The following ABCG1 variants were observed in gnomAD, a reference collection of about 807,000 sequenced individuals.
The protein encoded by ABCG1 is ATP binding cassette subfamily G member 1.
A neutral mutation model predicts 69.2 loss-of-function variants in ABCG1; 29 were observed. The ratio of observed to expected loss-of-function variants is 0.42; its 90% CI spans 0.31 to 0.57. The LOEUF (loss-of-function observed/expected upper bound fraction) is 0.57, where lower values mean the gene tolerates loss of function less well. Among genes scored for constraint, ABCG1 ranks in the 20% least tolerant of loss-of-function variants. The probability of loss-of-function intolerance (pLI) is 0.15; values close to 1 mark genes in which losing one functional copy is unlikely to be tolerated. For missense variants in ABCG1, 718 were observed against 898.1 expected, an observed-to-expected ratio of 0.80 and a Z score of 2.56; for synonymous variants, 370 against 374.8, an observed-to-expected ratio of 0.99 and a Z score of 0.15.
intron 6 of ABCG1, among the ~76,000 whole-genome samples, chr21:42,283,000 C>T (rs944145632): frequency 1.4e-4 from 22 of 152,352 alleles, no homozygotes; most frequent in Middle Eastern, 3.4e-3. Flanking sequence ...AATCACTACC[C>T]TGGAGTCCTG....
intron 2 of ABCG1, among the ~76,000 whole-genome samples, chr21:42,228,693 G>A (rs1601357944): frequency 1.3e-5 from 2 of 152,338 alleles, no homozygotes; most frequent in East Asian, 3.9e-4. Flanking sequence ...GTAGCCAGCA[G>A]GGAAGCAGAG....
chr21:42,224,651 G>A (rs1224282216), intron 1 of ABCG1, among the ~76,000 whole-genome samples: 1 of 152,130 alleles, frequency 6.6e-6, no homozygotes, highest in African/African-American at 2.4e-5. Flanking sequence ...CCTGGAAGGG[G>A]TGTGTGTGTG....
At chr21:42,240,071 C>T (rs867475975) in intron 2 of ABCG1, among the ~76,000 whole-genome samples, 10 of 152,190 alleles carry the variant, frequency 6.6e-5, no homozygotes, top group Admixed American at 2.0e-4. Context: ...CACTGGAGAA[C>T]GCTGTGTGTG....
chr21:42,210,520 TGA>T (rs1323035672), intron 2 of ABCG1, among the ~76,000 whole-genome samples: 3 of 152,228 alleles, frequency 2.0e-5, no homozygotes, highest in African/African-American at 7.2e-5. Context: ...TTTCTTCATT[TGA>T]AGAAATGGTT....
chr21:42,201,641 A>G (rs2067507220), exon 2 of ABCG1: 1 of 1,594,810 alleles, frequency 6.3e-7, no homozygotes, highest in Non-Finnish European at 8.5e-7. Context: ...AGCAGACATC[A>G]GGGATCACCG....
chr21:42,226,013 G>C, intron 2 of ABCG1, 99 bp downstream of exon 2: 3 of 1,391,444 alleles, frequency 2.2e-6, no homozygotes, highest in Non-Finnish European at 2.9e-6. Flanking sequence ...TTGAGAGGCT[G>C]AGCTTCTCTT....
intron 2 of ABCG1, among the ~76,000 whole-genome samples, chr21:42,205,123 G>A (rs924749945): frequency 3.9e-5 from 6 of 151,948 alleles, no homozygotes; most frequent in Non-Finnish European, 7.4e-5. Context: ...TGCATCTTGC[G>A]AGGAAGTGGT....
intron 2 of ABCG1, chr21:42,259,262 G>A: frequency 1.3e-6 from 2 of 1,481,982 alleles, no homozygotes; most frequent in Non-Finnish European, 9.0e-7. Context: ...GCACAGCCTG[G>A]AGACCAGATC....
Position 42,291,913 on chromosome 21 carries a change from G to A in ABCG1, c.1653+257G>A, listed in dbSNP as rs983413966. ...CAGCGCTTCCCAGATCTGAGCTCCT[G>A]TAGCCCCAAGCACAGCCACGCTTAG... On this transcript the variant is annotated intron_variant, in intron 13 of 14. Transcript: ENST00000398449. This position sits in a 1 kb window ranked among gnomAD's most constrained non-coding sequence, Gnocchi z 6.4. Among the ~76,000 whole-genome samples the A allele has an allele frequency of 6.6e-6, 1 of 152,160 alleles. No individual in the cohort carries two copies. Among genetic ancestry groups the A allele is most frequent in the Non-Finnish European group, 1.5e-5 (1 of 68,008 alleles).
intron 2 of ABCG1, chr21:42,259,630 TA>T: frequency 7.0e-7 from 1 of 1,438,598 alleles, no homozygotes. Context: ...ACTCATTTGA[TA>T]AAAACTGACA....
chr21:42,294,211 C>G (rs115394927), intron 13 of ABCG1, among the ~76,000 whole-genome samples: 4,435 of 152,304 alleles, frequency 0.029, 235 homozygotes, highest in African/African-American at 0.099. Flanking sequence ...CTTAGCCCCC[C>G]CGGGGACAGC....
chr21:42,279,341 G>A (rs1451346439), intron 5 of ABCG1, among the ~76,000 whole-genome samples: 2 of 152,178 alleles, frequency 1.3e-5, no homozygotes, highest in South Asian at 2.1e-4. Flanking sequence ...AGAGGGTCTC[G>A]GGGATCACCG....
chr21:42,283,613 C>G (rs1185330206), intron 6 of ABCG1, among the ~76,000 whole-genome samples: 3 of 152,030 alleles, frequency 2.0e-5, no homozygotes, highest in African/African-American at 7.3e-5. Context: ...GGCACTAGAC[C>G]ACCTGAGGCA....
intron 6 of ABCG1, among the ~76,000 whole-genome samples, chr21:42,282,811 C>T (rs575240215): frequency 3.9e-4 from 60 of 152,288 alleles, no homozygotes; most frequent in Non-Finnish European, 7.4e-4. Flanking sequence ...AGCAGAGGCT[C>T]AGAGATGCCT....
Position 42,287,739 on chromosome 21 carries a change from A to T in ABCG1, c.974-150A>T. The T allele has an allele frequency of 1.2e-6, 1 of 810,578 alleles. No individual in the cohort carries two copies. Among genetic ancestry groups the T allele is most frequent in the Non-Finnish European group, 1.9e-6 (1 of 526,160 alleles). The allele number at this position is 810,578 out of a possible 1,614,324, so 50.2% of individuals were successfully genotyped here. On this transcript the variant is annotated intron_variant, in intron 8 of 14. Coordinates refer to ENST00000398449, the MANE Select transcript of ABCG1 (RefSeq NM_016818.3). The surrounding 1 kb of genome is among the most constrained non-coding windows in gnomAD (Gnocchi z 6.2). The stretch of plus-strand genomic sequence containing the variant: ...GTTTGAGAGCCGCACGCTGGTTGAT[A>T]AATGATTTTGACGTCATGCCATTAG...
chr21:42,262,099 G>A lies in ABCG1; in HGVS notation c.287-8971G>A, dbSNP rs78927541. Among the ~76,000 whole-genome samples, 731 of 152,288 alleles carry A rather than the reference G, an allele frequency of 4.8e-3. 9 individuals carry two copies. The highest frequency in any genetic ancestry group is 0.017 in the African/African-American group (691 of 41,548). On this transcript the variant is annotated intron_variant, in intron 2 of 14. Coordinates refer to ENST00000398449, the MANE Select transcript of ABCG1 (RefSeq NM_016818.3). ...AGGTAACCAGGACTGGGGGGTTAAT[G>A]GTTCCCAAGGGGCTCAGATCCCTTG...
chr21:42,290,238 C>T lies in ABCG1; in HGVS notation c.1393+20C>T. 6.2e-7 allele frequency: 1 copy of T among 1,603,590 alleles called. No homozygotes were observed. Among genetic ancestry groups the T allele is most frequent in the Non-Finnish European group, 8.5e-7 (1 of 1,171,896 alleles). The stretch of plus-strand genomic sequence containing the variant: ...TGACATGTGAGTGACAGACCGCTGA[C>T]CCCTTCTTCCTTATTTTCAATTCCT... On this transcript the variant is annotated intron_variant, in intron 11 of 14. Coordinates refer to ENST00000398449, the MANE Select transcript of ABCG1 (RefSeq NM_016818.3).
Position 42,270,016 on chromosome 21 carries a change from A to G in ABCG1, c.287-1054A>G, listed in dbSNP as rs188564680. Among the ~76,000 whole-genome samples the G allele has an allele frequency of 8.4e-3, 1,279 of 151,652 alleles. 23 individuals carry two copies. The highest frequency in any genetic ancestry group is 0.029 in the African/African-American group (1,207 of 41,332). On this transcript the variant is annotated intron_variant, in intron 2 of 14. Transcript: ENST00000398449. ...CGCGGTGGCTCACGCCTGTAATCCC[A>G]GCACTTTGGGAGGCCGAGGCGGGCG...
At chr21:42,259,035 G>T (rs1235026834) in intron 2 of ABCG1, among the ~76,000 whole-genome samples, 1 of 152,234 alleles carries the variant, frequency 6.6e-6, no homozygotes, top group Non-Finnish European at 1.5e-5. Flanking sequence ...GGTGATCCAA[G>T]CTTGCCTTTC....
Sources: allele counts gnomAD v4.1 joint callset (sites outside exome capture counted in the v4.1 genomes callset), GRCh38; gene constraint gnomAD v4.1.1; non-coding constraint Gnocchi (gnomAD v3.1); transcripts MANE v1.5; gene names NCBI Gene and HGNC (gene_info 2026-07-23, HGNC 2026-07-21).